PTPRN2: variants seen among roughly 807,000 people sequenced by gnomAD.
PTPRN2 encodes receptor-type tyrosine-protein phosphatase N2.
PTPRN2 carries 74 observed loss-of-function variants against 118.8 expected under a neutral mutation model. The ratio of observed to expected loss-of-function variants is 0.62; its 90% CI spans 0.52 to 0.76. The LOEUF (loss-of-function observed/expected upper bound fraction) is 0.76. PTPRN2 is among the 30% of genes least tolerant of loss of function. The pLI is 0.00. For synonymous variants in PTPRN2, 641 were observed against 608.0 expected, an observed-to-expected ratio of 1.05 and a Z score of -0.80; for missense variants, 1,481 against 1,394.4, an observed-to-expected ratio of 1.06 and a Z score of -0.99.
At chr7:157,749,251 G>A in intron 12 of PTPRN2, among the ~76,000 whole-genome samples, 1 of 138,846 alleles carries the variant, frequency 7.2e-6, no homozygotes, top group East Asian at 2.3e-4. Context: ...GTGATTCTGA[G>A]GCGTGCGTCC....
intron 14 of PTPRN2, among the ~76,000 whole-genome samples, chr7:157,641,754 T>C (rs938722048): frequency 3.3e-5 from 5 of 152,168 alleles, no homozygotes; most frequent in African/African-American, 1.2e-4. Context: ...TCCTAAGTGC[T>C]CCCACCTTCT....
rs1800643716 is a variant in PTPRN2 at position 157,585,859 on chromosome 7, A to G, written c.2497-7719T>C. 6.6e-6 allele frequency among the ~76,000 whole-genome samples: 1 copy of G among 152,210 alleles called. No homozygotes were observed. Among genetic ancestry groups the G allele is most frequent in the South Asian group, 2.1e-4 (1 of 4,830 alleles). Reference sequence around the variant, plus strand: ...CTGGAGCAGTAAGAATCAGTCAGAAAGGAAAGCCGGACCTGTCCTTTCTAC... The same window carrying G: ...CTGGAGCAGTAAGAATCAGTCAGAAGGGAAAGCCGGACCTGTCCTTTCTAC... On this transcript the variant is annotated intron_variant, in intron 17 of 22. Transcript: ENST00000389418. The surrounding 1 kb of genome is among the most constrained non-coding windows in gnomAD (Gnocchi z 5.2).
chr7:157,753,077 G>A (rs1462646337), intron 12 of PTPRN2, among the ~76,000 whole-genome samples: 1 of 152,204 alleles, frequency 6.6e-6, no homozygotes, highest in Non-Finnish European at 1.5e-5. Context: ...GCGGGGTGTC[G>A]GCACAGGCAC....
rs545856820 is a variant in PTPRN2 at position 158,559,142 on chromosome 7, T to A, written c.112+28416A>T. ...GAATTCTTCCAGTGCTTGGAGGAGA[T>A]TCTTCTCTCATGTTTTCTTTGTTCT... On this transcript the variant is annotated intron_variant, in intron 1 of 22. Coordinates refer to ENST00000389418, the MANE Select transcript of PTPRN2 (RefSeq NM_002847.5). Among the ~76,000 whole-genome samples the A allele has an allele frequency of 3.3e-5, 5 of 152,314 alleles. No homozygotes were observed. The East Asian group carries it at 9.7e-4, about 29-fold the overall frequency.
Position 157,682,950 on chromosome 7 carries a change from G to C in PTPRN2, c.1789-13C>G. On this transcript the variant is annotated splice_polypyrimidine_tract_variant and intron_variant, in intron 12 of 22. Coordinates refer to ENST00000389418, the MANE Select transcript of PTPRN2 (RefSeq NM_002847.5). ...TGAGTTTGCTTTTCTGCAGAACAAG[G>C]AGAGAGGGGTGTGTTAGCTCCTGAC... 6.3e-7 allele frequency: 1 copy of C among 1,588,610 alleles called. No individual in the cohort carries two copies. Among genetic ancestry groups the C allele is most frequent in the Middle Eastern group, 1.8e-4 (1 of 5,694 alleles).
intron 11 of PTPRN2, among the ~76,000 whole-genome samples, chr7:157,967,302 C>T (rs1211518760): frequency 6.6e-6 from 1 of 152,104 alleles, no homozygotes; most frequent in East Asian, 1.9e-4. Context: ...AGAGTGAGAC[C>T]CTATCTCTTC....
chr7:157,790,596 C>G (rs77791829), intron 12 of PTPRN2, among the ~76,000 whole-genome samples: 2,524 of 152,154 alleles, frequency 0.017, 71 homozygotes, highest in South Asian at 0.12. Flanking sequence ...CCGATAAACA[C>G]AAGTGGGAAA....
intron 11 of PTPRN2, among the ~76,000 whole-genome samples, chr7:158,059,795 C>A (rs1286706738): frequency 1.6e-4 from 17 of 105,432 alleles, no homozygotes; most frequent in East Asian, 6.4e-4. Flanking sequence ...CTCCATCTGC[C>A]CACGGTGAGA....
At chr7:158,066,251 C>T (rs977609254) in intron 11 of PTPRN2, among the ~76,000 whole-genome samples, 1 of 152,220 alleles carries the variant, frequency 6.6e-6, no homozygotes, top group Non-Finnish European at 1.5e-5. Context: ...CCTGGGATGG[C>T]ACCTTCCATG....
intron 2 of PTPRN2, among the ~76,000 whole-genome samples, chr7:158,402,498 C>T (rs1431719028): frequency 6.6e-6 from 1 of 152,216 alleles, no homozygotes; most frequent in Non-Finnish European, 1.5e-5. Flanking sequence ...CGCCCTCCAA[C>T]TCCATGGAGA....
chr7:157,720,715 A>T (rs1799185677), intron 12 of PTPRN2, among the ~76,000 whole-genome samples: 1 of 152,212 alleles, frequency 6.6e-6, no homozygotes, highest in African/African-American at 2.4e-5. Context: ...ATAACGGCAA[A>T]TGGTGAGCGT....
At chr7:157,846,232 A>G (rs1174795187) in intron 12 of PTPRN2, among the ~76,000 whole-genome samples, 1 of 152,124 alleles carries the variant, frequency 6.6e-6, no homozygotes, top group African/African-American at 2.4e-5. Flanking sequence ...AAGTCTTCTG[A>G]AAACTGGCCA....
chr7:158,382,481 G>T (rs902597223), intron 2 of PTPRN2, among the ~76,000 whole-genome samples: 1 of 152,178 alleles, frequency 6.6e-6, no homozygotes, highest in Non-Finnish European at 1.5e-5. Flanking sequence ...TCTGTCTTCT[G>T]CAAAAACAAT....
intron 12 of PTPRN2, among the ~76,000 whole-genome samples, chr7:157,753,085 C>A (rs1801577143): frequency 6.6e-6 from 1 of 152,228 alleles, no homozygotes; most frequent in Non-Finnish European, 1.5e-5. Flanking sequence ...TCGGCACAGG[C>A]ACCCTCTCCA....
chr7:158,449,189 C>A (rs534668367), intron 2 of PTPRN2, among the ~76,000 whole-genome samples: 3 of 152,316 alleles, frequency 2.0e-5, no homozygotes, highest in African/African-American at 7.2e-5. Flanking sequence ...CGTTTTCTCC[C>A]AGGTCATGCG....
intron 2 of PTPRN2, among the ~76,000 whole-genome samples, chr7:158,325,921 G>A (rs1021715253): frequency 1.1e-4 from 17 of 152,236 alleles, no homozygotes; most frequent in African/African-American, 2.9e-4. Flanking sequence ...CAAAAGGAAC[G>A]GGCAGTCAGT....
intron 12 of PTPRN2, among the ~76,000 whole-genome samples, chr7:157,838,419 G>A (rs576291978): frequency 1.2e-3 from 163 of 136,506 alleles, no homozygotes; most frequent in Non-Finnish European, 2.2e-3. Flanking sequence ...TGGATGGCAC[G>A]GGAGAAAGCT....
At chr7:158,366,476 G>T (rs1201083089) in intron 2 of PTPRN2, among the ~76,000 whole-genome samples, 1 of 152,142 alleles carries the variant, frequency 6.6e-6, no homozygotes, top group Non-Finnish European at 1.5e-5. Context: ...GCATCCCTGG[G>T]AGAAGCTGCA....
At chr7:158,374,409 C>T (rs1425392609) in intron 2 of PTPRN2, among the ~76,000 whole-genome samples, 1 of 152,200 alleles carries the variant, frequency 6.6e-6, no homozygotes, top group Non-Finnish European at 1.5e-5. Flanking sequence ...AAACCAGACC[C>T]TGCAGCTCCT....
Sources: gnomAD v4.1 joint callset for allele counts (sites outside exome capture counted in the v4.1 genomes callset) on GRCh38, gnomAD v4.1.1 for gene constraint, Gnocchi (gnomAD v3.1) non-coding constraint, MANE v1.5 for transcripts, NCBI Gene and HGNC (gene_info 2026-07-23, HGNC 2026-07-21) for gene names.